Variants in PHLPP1 observed in about 807,000 individuals in gnomAD.
The protein encoded by PHLPP1 is PH domain leucine-rich repeat-containing protein phosphatase 1.
Under a neutral mutation model 117.2 loss-of-function variants are expected in PHLPP1, and 42 were observed. The observed-to-expected ratio is 0.36, with a 90% CI of 0.28 to 0.46. The LOEUF is 0.46. Ranked by LOEUF, PHLPP1 falls within the 20% of genes least tolerant of loss-of-function variation. The pLI, the probability that PHLPP1 is intolerant of heterozygous loss-of-function variation, is 1.00. For synonymous variants in PHLPP1, 1,042 were observed against 970.7 expected, an observed-to-expected ratio of 1.07 and a Z score of -1.37; for missense variants, 2,084 against 2,241.9, an observed-to-expected ratio of 0.93 and a Z score of 1.42.
chr18:62,734,862 A>G (rs1263320452), intron 1 of PHLPP1, among the ~76,000 whole-genome samples: 2 of 152,196 alleles, frequency 1.3e-5, no homozygotes, highest in Non-Finnish European at 2.9e-5. Flanking sequence ...CAGAAATGTT[A>G]GCACCAATGT....
chr18:62,726,516 A>G (rs946648767), intron 1 of PHLPP1, among the ~76,000 whole-genome samples: 1 of 142,016 alleles, frequency 7.0e-6, no homozygotes, highest in Non-Finnish European at 1.6e-5. Flanking sequence ...GATTTTAAAA[A>G]TTTTCTAGTA....
chr18:62,976,432 AG>A (rs2144493950), intron 16 of PHLPP1, among the ~76,000 whole-genome samples: 2 of 152,352 alleles, frequency 1.3e-5, no homozygotes, highest in South Asian at 4.1e-4. Flanking sequence ...AAACAAAAGC[AG>A]GGAAGAGGCG....
intron 1 of PHLPP1, among the ~76,000 whole-genome samples, chr18:62,803,040 A>T (rs1913830410): frequency 6.6e-6 from 1 of 152,206 alleles, no homozygotes; most frequent in Non-Finnish European, 1.5e-5. Context: ...CTAATGCTTT[A>T]ATCATTTTAT....
At position 62,716,827 on chromosome 18, in the gene PHLPP1, G is replaced by C; in HGVS notation, c.1144G>C (p.Asp382His). Residue 382 changes from aspartate (D) to histidine (H), a missense_variant, in exon 1 of 17, where the codon GAC becomes CAC. This residue lies in a region of PHLPP1 where 719 missense variants were observed against 636.0 expected (regional missense o/e 1.13). Coordinates refer to ENST00000262719, the MANE Select transcript of PHLPP1 (RefSeq NM_194449.4). The surrounding 1 kb of genome is among the most constrained non-coding windows in gnomAD (Gnocchi z 5.7). Reference sequence around the variant, plus strand: ...GTCGTCGTCGGAAGAGCTCGAGGCCGACGCAGCCTCGGCCCCGACGGGGGT... The same window carrying C: ...GTCGTCGTCGGAAGAGCTCGAGGCCCACGCAGCCTCGGCCCCGACGGGGGT... Reference protein sequence around the residue: ...SSSSSEELEADAASAPTGVPG... With the variant: ...SSSSSEELEAHAASAPTGVPG... 6.6e-7 allele frequency: 1 copy of C among 1,525,788 alleles called. No homozygotes were observed. The allele number at this position is 1,525,788 out of a possible 1,614,324, so 94.5% of individuals were successfully genotyped here.
At chr18:62,922,195 G>T (rs1172305464) in intron 10 of PHLPP1, among the ~76,000 whole-genome samples, 1 of 152,172 alleles carries the variant, frequency 6.6e-6, no homozygotes, top group Non-Finnish European at 1.5e-5. Flanking sequence ...GGAGTGCAGT[G>T]GTGTGATCTC....
intron 5 of PHLPP1, 115 bp downstream of exon 5, chr18:62,895,272 C>T (rs1599107747): frequency 2.8e-6 from 3 of 1,054,892 alleles, no homozygotes; most frequent in East Asian, 2.5e-5. Flanking sequence ...AGTCTTGGCC[C>T]CAAATCAAGA....
In PHLPP1 at chr18:62,807,023, A is replaced by G. The variant is rs1568123399; in HGVS notation, c.1577-23012A>G. Among the ~76,000 whole-genome samples the G allele has an allele frequency of 2.0e-5, 3 of 152,164 alleles. No individual in the cohort carries two copies. The East Asian group carries it at 5.8e-4, about 29-fold the overall frequency. ...ATTTTTTATAAATAAAGTTGCCCTT[A>G]TTGTCTTTCATAGCGAAATCTGGTT... On this transcript the variant is annotated intron_variant, in intron 1 of 16. Transcript: ENST00000262719.
In PHLPP1 at chr18:62,746,928, A is replaced by G. The variant is rs142941690; in HGVS notation, c.1576+29669A>G. 1.2e-4 allele frequency among the ~76,000 whole-genome samples: 18 copies of G among 152,296 alleles called. No homozygotes were observed. The East Asian group carries it at 3.1e-3, about 26-fold the overall frequency. On this transcript the variant is annotated intron_variant, in intron 1 of 16. Transcript: ENST00000262719. ...AAATTCAAATGTATCTAATGGTTGT[A>G]GCTATATTCAGGTTTTCTAATTGTT...
At chr18:62,863,203 TTTC>T (rs1568142212) in intron 4 of PHLPP1, among the ~76,000 whole-genome samples, 1 of 151,430 alleles carries the variant, frequency 6.6e-6, no homozygotes, top group Non-Finnish European at 1.5e-5. Flanking sequence ...TCTTCTTTTC[TTTC>T]TTCTTTTCTT....
intron 1 of PHLPP1, among the ~76,000 whole-genome samples, chr18:62,720,736 ATTTATAT>A (rs1458691227): frequency 6.6e-6 from 1 of 151,762 alleles, no homozygotes; most frequent in Admixed American, 6.6e-5. Flanking sequence ...ACATTTTTAT[ATTTATAT>A]TTTATATTTG....
Position 62,870,775 on chromosome 18 carries a change from C to T in PHLPP1, c.2066+10174C>T, listed in dbSNP as rs540716021. On this transcript the variant is annotated intron_variant, in intron 4 of 16. Coordinates refer to ENST00000262719, the MANE Select transcript of PHLPP1 (RefSeq NM_194449.4). ...CACAGAACATTTAAATTGGTATTTG[C>T]ACCAACATTCTAAATCTGGAAAGAT... 3.9e-5 allele frequency among the ~76,000 whole-genome samples: 6 copies of T among 152,152 alleles called. No homozygotes were observed. In the South Asian group the frequency reaches 1.2e-3, roughly 32 times the overall value.
chr18:62,886,399 G>A (rs914779554), intron 4 of PHLPP1, among the ~76,000 whole-genome samples: 12 of 152,090 alleles, frequency 7.9e-5, no homozygotes, highest in African/African-American at 2.9e-4. Flanking sequence ...TGATCCAACC[G>A]AGTAGCTAGG....
intron 9 of PHLPP1, among the ~76,000 whole-genome samples, chr18:62,919,325 C>T (rs1211407210): frequency 6.6e-6 from 1 of 152,264 alleles, no homozygotes; most frequent in East Asian, 1.9e-4. Flanking sequence ...CCAAACAGCT[C>T]TTTAAGTCTC....
At chr18:62,721,014 C>T (rs1910899039) in intron 1 of PHLPP1, among the ~76,000 whole-genome samples, 1 of 152,120 alleles carries the variant, frequency 6.6e-6, no homozygotes, top group African/African-American at 2.4e-5. Flanking sequence ...TTTTATTTTG[C>T]AATTCGTATC....
intron 3 of PHLPP1, among the ~76,000 whole-genome samples, chr18:62,853,355 T>C (rs1054303170): frequency 1.4e-4 from 21 of 151,754 alleles, no homozygotes; most frequent in Admixed American, 1.3e-3. Flanking sequence ...CTTTTTTCTT[T>C]TTTTTTTTTG....
chr18:62,834,675 C>T (rs999839441), intron 2 of PHLPP1, among the ~76,000 whole-genome samples: 7 of 152,154 alleles, frequency 4.6e-5, no homozygotes, highest in African/African-American at 7.2e-5. Flanking sequence ...ACTTTACTGA[C>T]GTGTAATTGA....
intron 1 of PHLPP1, among the ~76,000 whole-genome samples, chr18:62,732,809 A>G (rs1413977629): frequency 6.6e-6 from 1 of 152,242 alleles, no homozygotes; most frequent in Non-Finnish European, 1.5e-5. Flanking sequence ...TTTATGGATG[A>G]TAATGAGGAG....
chr18:62,741,029 A>T (rs1389972984), intron 1 of PHLPP1, among the ~76,000 whole-genome samples: 1 of 152,220 alleles, frequency 6.6e-6, no homozygotes, highest in African/African-American at 2.4e-5. Context: ...ATGTCTTCAG[A>T]TCATCTAGCT....
intron 1 of PHLPP1, among the ~76,000 whole-genome samples, chr18:62,813,644 C>G (rs527639325): frequency 1.4e-3 from 216 of 152,120 alleles, no homozygotes; most frequent in African/African-American, 4.9e-3. Flanking sequence ...AGTTGTGGTC[C>G]CCACACCTGC....
Sources: allele counts gnomAD v4.1 joint callset (sites outside exome capture counted in the v4.1 genomes callset), GRCh38; gene constraint gnomAD v4.1.1; regional missense constraint gnomAD v4.1.1; non-coding constraint Gnocchi (gnomAD v3.1); transcripts MANE v1.5; gene names NCBI Gene and HGNC (gene_info 2026-07-23, HGNC 2026-07-21).